Variants in YBX1 observed in about 807,000 individuals in gnomAD.
YBX1 encodes the protein Y-box binding protein 1.
In YBX1, 3 loss-of-function variants were observed where a neutral mutation model predicts 41.4. The observed-to-expected ratio is 0.07, with a 90% confidence interval of 0.03 to 0.19. The LOEUF (loss-of-function observed/expected upper bound fraction) is 0.19, where lower values mean the gene tolerates loss of function less well. YBX1 is among the 10% of genes least tolerant of loss of function. YBX1 has a pLI of 1.00. For missense variants in YBX1, 274 were observed against 462.8 expected (o/e 0.59, Z 3.74); for synonymous variants, 133 against 165.8 (o/e 0.80, Z 1.52).
chr1:42,700,905 C>T lies in YBX1; in HGVS notation c.865C>T (p.Arg289Cys), dbSNP rs768111769. 11 of 1,614,092 alleles carry T rather than the reference C, an allele frequency of 6.8e-6. No individual in the cohort carries two copies. Among genetic ancestry groups the T allele is most frequent in the Non-Finnish European group, 7.6e-6 (9 of 1,180,028 alleles). Reference sequence around the variant, plus strand: ...GTACCGCCGCAACTTCAATTACCGACGCAGACGCCCAGAAAACCCTAAACC... The same window carrying T: ...GTACCGCCGCAACTTCAATTACCGATGCAGACGCCCAGAAAACCCTAAACC... ...RRYRRNFNYR[R>C]RRPENPKPQD... The change falls in exon 7 of 8, where the codon CGC (arginine) becomes TGC (cysteine). Residue 289 changes from arginine (R) to cysteine (C), a missense_variant. This residue lies in a region of YBX1 where 187 missense variants were observed against 306.3 expected (regional missense o/e 0.61). Transcript: ENST00000321358.
chr1:42,693,004 C>T (rs571173377), intron 2 of YBX1, among the ~76,000 whole-genome samples: 1 of 152,278 alleles, frequency 6.6e-6, no homozygotes, highest in Non-Finnish European at 1.5e-5. Flanking sequence ...TCACAGTTCC[C>T]ATTAGGTTTC....
intron 2 of YBX1, among the ~76,000 whole-genome samples, chr1:42,689,345 T>TAG (rs1351300827): frequency 6.6e-6 from 1 of 152,188 alleles, no homozygotes; most frequent in African/African-American, 2.4e-5. Context: ...ATGGAGCATA[T>TAG]AGATGGTAAA....
intron 2 of YBX1, among the ~76,000 whole-genome samples, chr1:42,690,139 G>A (rs568600434): frequency 6.6e-6 from 1 of 152,054 alleles, no homozygotes; most frequent in African/African-American, 2.4e-5. Flanking sequence ...CTTGAACCCC[G>A]AAGGCAGAGG....
At chr1:42,689,672 T>C (rs193266293) in intron 2 of YBX1, among the ~76,000 whole-genome samples, 13 of 152,312 alleles carry the variant, frequency 8.5e-5, no homozygotes, top group Admixed American at 7.8e-4. Context: ...GATTGGGCCA[T>C]GAAAAGCAAA....
At chr1:42,686,267 CCTT>C (rs1487374538) in intron 2 of YBX1, among the ~76,000 whole-genome samples, 3 of 152,224 alleles carry the variant, frequency 2.0e-5, no homozygotes, top group Middle Eastern at 3.4e-3. Flanking sequence ...AAATTTGTGA[CCTT>C]CTGGCTAAAA....
Position 42,696,731 on chromosome 1 carries a change from T to C in YBX1, c.444T>C (p.Tyr148=). ...CAGACCGTAACCATTATAGACGCTA[T>C]CCACGTCGTAGGGGTCCTCCACGCA... is the stretch of plus-strand genomic sequence containing the variant. ...YAADRNHYRR[Y]PRRRGPPRNY... is the part of the protein sequence containing the mutation. The change falls in exon 5 of 8, where the codon TAT becomes TAC. Residue 148 remains tyrosine (Y), a synonymous_variant. Coordinates refer to ENST00000321358, the MANE Select transcript of YBX1 (RefSeq NM_004559.5). The surrounding 1 kb of genome is among the most constrained non-coding windows in gnomAD (Gnocchi z 5.7). 1 of 1,613,800 alleles carries C rather than the reference T, an allele frequency of 6.2e-7. No individual in the cohort carries two copies.
intron 3 of YBX1, among the ~76,000 whole-genome samples, chr1:42,695,159 TGTA>T (rs1650429527): frequency 6.6e-6 from 1 of 152,222 alleles, no homozygotes; most frequent in Admixed American, 6.5e-5. Flanking sequence ...GGTTTCAACA[TGTA>T]GTTGTTTCTT....
At chr1:42,694,679 A>G (rs1473462600) in intron 3 of YBX1, among the ~76,000 whole-genome samples, 1 of 152,262 alleles carries the variant, frequency 6.6e-6, no homozygotes, top group African/African-American at 2.4e-5. Context: ...CCAATCAGGT[A>G]GTTCAGGGTC....
At chr1:42,691,960 C>T (rs1271618845) in intron 2 of YBX1, among the ~76,000 whole-genome samples, 3 of 152,160 alleles carry the variant, frequency 2.0e-5, no homozygotes, top group African/African-American at 7.2e-5. Flanking sequence ...AAGCAATTCT[C>T]CTGCCTCACC....
intron 6 of YBX1, among the ~76,000 whole-genome samples, chr1:42,700,396 G>A (rs1246129620): frequency 6.6e-6 from 1 of 152,100 alleles, no homozygotes; most frequent in African/African-American, 2.4e-5. Context: ...TTGAGGTCAG[G>A]AATTCAAGAC....
intron 7 of YBX1, among the ~76,000 whole-genome samples, chr1:42,701,698 T>C (rs773182402): frequency 2.0e-5 from 3 of 152,252 alleles, no homozygotes; most frequent in Non-Finnish European, 4.4e-5. Context: ...CTTGTTACTT[T>C]AGCTCATTAG....
intron 1 of YBX1, chr1:42,683,081 C>T (rs1211952652): frequency 1.4e-5 from 7 of 517,132 alleles, no homozygotes; most frequent in Admixed American, 2.5e-5. Context: ...CTCCCTTCCG[C>T]GTGTGCTCGG....
chr1:42,696,996 T>G lies in YBX1; in HGVS notation c.657+52T>G, dbSNP rs752394304. 1.3e-6 allele frequency: 2 copies of G among 1,503,128 alleles called. No individual in the cohort carries two copies. The highest frequency in any genetic ancestry group is 1.4e-5 in the African/African-American group (1 of 71,284). 93.1% of individuals were successfully genotyped at this position (1,503,128 alleles called of 1,614,324 possible). A position where few individuals can be genotyped will look rare whatever the true frequency, so the allele number is the denominator to read the frequency against. On this transcript the variant is annotated intron_variant, in intron 5 of 7. Transcript: ENST00000321358. This position sits in a 1 kb window ranked among gnomAD's most constrained non-coding sequence, Gnocchi z 5.7. ...TGTGATAAGTTCTGGTAGGACTGTTTAGAGCTGTTAATTATATGGAAAGCA... is the reference window on the plus strand; with the variant it reads ...TGTGATAAGTTCTGGTAGGACTGTTGAGAGCTGTTAATTATATGGAAAGCA...
intron 3 of YBX1, among the ~76,000 whole-genome samples, chr1:42,695,862 CAG>C (rs530020277): frequency 1.1e-3 from 162 of 152,326 alleles, no homozygotes; most frequent in African/African-American, 3.6e-3. Flanking sequence ...GTGCAGTCCT[CAG>C]GGGATAGATG....
chr1:42,701,021 G>C lies in YBX1; in HGVS notation c.*6G>C. ...AGCAGGGCGGGGCTGAGTAAATGCC[G>C]GCTTACCATCTCTACCATCATCCGG... On this transcript the variant is annotated 3_prime_UTR_variant, in exon 7 of 8. Transcript: ENST00000321358. 1 of 1,613,772 alleles carries C rather than the reference G, an allele frequency of 6.2e-7. No individual in the cohort carries two copies. The highest frequency in any genetic ancestry group is 8.5e-7 in the Non-Finnish European group (1 of 1,179,710).
At chr1:42,692,284 G>T (rs1242769292) in intron 2 of YBX1, among the ~76,000 whole-genome samples, 1 of 152,304 alleles carries the variant, frequency 6.6e-6, no homozygotes, top group South Asian at 2.1e-4. Flanking sequence ...TTGGAGAGCA[G>T]AACTAATAAA....
chr1:42,697,164 C>G lies in YBX1; in HGVS notation c.658-16C>G. 1 of 1,609,268 alleles carries G rather than the reference C, an allele frequency of 6.2e-7. No homozygotes were observed. Among genetic ancestry groups the G allele is most frequent in the African/African-American group, 1.3e-5 (1 of 74,636 alleles). On this transcript the variant is annotated splice_polypyrimidine_tract_variant and intron_variant, in intron 5 of 7. Coordinates refer to ENST00000321358, the MANE Select transcript of YBX1 (RefSeq NM_004559.5). The stretch of plus-strand genomic sequence containing the variant: ...ATTACTGACCCAGTAGGCTTAATTT[C>G]CATTGTCTTTTTCAGGGTGCTGACA...
intron 2 of YBX1, among the ~76,000 whole-genome samples, chr1:42,686,075 C>CA (rs1431101903): frequency 1.4e-4 from 22 of 152,304 alleles, no homozygotes; most frequent in African/African-American, 5.3e-4. Context: ...TAGCTCCCCC[C>CA]AGATTACTGT....
At chr1:42,688,647 A>G (rs1366000058) in intron 2 of YBX1, among the ~76,000 whole-genome samples, 3 of 152,182 alleles carry the variant, frequency 2.0e-5, no homozygotes. Context: ...GTACACAGGT[A>G]TTGTGGTTTA....
Sources: allele counts gnomAD v4.1 joint callset (sites outside exome capture counted in the v4.1 genomes callset), GRCh38; gene constraint gnomAD v4.1.1; regional missense constraint gnomAD v4.1.1; non-coding constraint Gnocchi (gnomAD v3.1); transcripts MANE v1.5; gene names NCBI Gene and HGNC (gene_info 2026-07-23, HGNC 2026-07-21).